TOP6BL: variants seen among roughly 807,000 people sequenced by gnomAD.
TOP6BL encodes the protein type 2 DNA topoisomerase 6 subunit B-like.
At chr11:66,828,280 A>G in the TOP6BL span, 1 of 1,613,520 alleles carries the variant, frequency 6.2e-7, no homozygotes, top group Non-Finnish European at 8.5e-7. Flanking sequence ...CTGACACACA[A>G]GAGTTCAGGA....
At chr11:66,791,430 TATACATAC>T in the TOP6BL span, among the ~76,000 whole-genome samples, 3 of 152,202 alleles carry the variant, frequency 2.0e-5, no homozygotes, top group Admixed American at 6.5e-5. Context: ...GTTATACATA[TATACATAC>T]AAACATATAT....
chr11:66,747,977 C>A, the TOP6BL span, among the ~76,000 whole-genome samples: 1 of 152,076 alleles, frequency 6.6e-6, no homozygotes, highest in Non-Finnish European at 1.5e-5. Context: ...AATGAAAGAT[C>A]AAGATGATTC....
chr11:66,841,110 ATTTT>A, the TOP6BL span, among the ~76,000 whole-genome samples: 4 of 84,628 alleles, frequency 4.7e-5, no homozygotes, highest in African/African-American at 1.5e-4. Context: ...GAGGCCTCTC[ATTTT>A]TTTTTTTTTT....
At chr11:66,787,232 C>T in the TOP6BL span, among the ~76,000 whole-genome samples, 1 of 151,962 alleles carries the variant, frequency 6.6e-6, no homozygotes, top group Non-Finnish European at 1.5e-5. Flanking sequence ...CCGTGCCCAG[C>T]CGATAGCTAG....
the TOP6BL span, chr11:66,744,789 T>C: frequency 7.9e-7 from 1 of 1,260,318 alleles, no homozygotes; most frequent in Non-Finnish European, 9.9e-7. Flanking sequence ...GCGTGGGCAC[T>C]GGCGGAGTTC....
chr11:66,823,769 A>C, the TOP6BL span, among the ~76,000 whole-genome samples: 2 of 152,192 alleles, frequency 1.3e-5, no homozygotes, highest in African/African-American at 4.8e-5. Flanking sequence ...GTGAGCCAAG[A>C]TCACCCCACT....
the TOP6BL span, among the ~76,000 whole-genome samples, chr11:66,760,958 C>G: frequency 6.7e-6 from 1 of 149,330 alleles, no homozygotes; most frequent in African/African-American, 2.5e-5. Context: ...GAATTTATAC[C>G]CAAATTTATA....
the TOP6BL span, among the ~76,000 whole-genome samples, chr11:66,753,886 G>A: frequency 6.6e-6 from 1 of 151,916 alleles, no homozygotes; most frequent in Non-Finnish European, 1.5e-5. Flanking sequence ...TATATTTTTA[G>A]TAGAGACAGA....
At chr11:66,823,066 G>A in the TOP6BL span, among the ~76,000 whole-genome samples, 2 of 151,828 alleles carry the variant, frequency 1.3e-5, no homozygotes, top group Non-Finnish European at 2.9e-5. Flanking sequence ...AGGCCAAGGC[G>A]GGTGGATGAC....
the TOP6BL span, among the ~76,000 whole-genome samples, chr11:66,834,705 A>G: frequency 6.6e-6 from 1 of 152,166 alleles, no homozygotes; most frequent in Non-Finnish European, 1.5e-5. Flanking sequence ...GGTTCCCGCT[A>G]TGTTGCCCGG....
chr11:66,843,458 G>A, the TOP6BL span: 4 of 1,407,232 alleles, frequency 2.8e-6, no homozygotes, highest in Non-Finnish European at 3.7e-6. Flanking sequence ...AGGGCGCAAT[G>A]GCGGCGCTGG....
At chr11:66,823,680 C>T in the TOP6BL span, among the ~76,000 whole-genome samples, 1 of 151,822 alleles carries the variant, frequency 6.6e-6, no homozygotes, top group Admixed American at 6.6e-5. Context: ...ATCAGCCAGG[C>T]GTGGTGGTGC....
the TOP6BL span, among the ~76,000 whole-genome samples, chr11:66,835,121 G>T: frequency 3.3e-5 from 5 of 152,100 alleles, no homozygotes; most frequent in African/African-American, 9.7e-5. Flanking sequence ...TGGGGGACCA[G>T]GTGATGAATG....
chr11:66,793,012 TACC>T, the TOP6BL span, among the ~76,000 whole-genome samples: 1 of 152,212 alleles, frequency 6.6e-6, no homozygotes, highest in Non-Finnish European at 1.5e-5. Context: ...ATTATTTAAT[TACC>T]ACTGTTAACA....
chr11:66,777,548 T>C, the TOP6BL span, among the ~76,000 whole-genome samples: 1 of 152,180 alleles, frequency 6.6e-6, no homozygotes, highest in African/African-American at 2.4e-5. Flanking sequence ...TGAGATAGAA[T>C]TAACTTGATC....
chr11:66,843,387 G>T, the TOP6BL span: 3 of 1,430,028 alleles, frequency 2.1e-6, no homozygotes, highest in Non-Finnish European at 2.7e-6. Context: ...GTGGAGCCGC[G>T]CCGCGGCCTG....
chr11:66,800,572 T>C, the TOP6BL span: 1 of 1,213,872 alleles, frequency 8.2e-7, no homozygotes, highest in South Asian at 1.4e-5. Flanking sequence ...CTTTAGGGAT[T>C]AGATATGGAA....
chr11:66,798,221 G>A, the TOP6BL span, among the ~76,000 whole-genome samples: 1 of 152,102 alleles, frequency 6.6e-6, no homozygotes, highest in African/African-American at 2.4e-5. Context: ...GTCAGATGGA[G>A]AAGAGGAAGA....
At chr11:66,777,042 ACTATATCTATATAT>A in the TOP6BL span, among the ~76,000 whole-genome samples, 152 of 145,974 alleles carry the variant, frequency 1.0e-3, no homozygotes, top group African/African-American at 1.8e-3. Context: ...TGTTGTAATC[ACTATATCTATATAT>A]CTATATCTAT....
Sources: gnomAD v4.1 joint callset for allele counts (sites outside exome capture counted in the v4.1 genomes callset) on GRCh38, gnomAD v4.1.1 for gene constraint, MANE v1.5 for transcripts, NCBI Gene and HGNC (gene_info 2026-07-23, HGNC 2026-07-21) for gene names.